NARS2: variants seen among roughly 807,000 people sequenced by gnomAD.
NARS2 encodes the protein asparaginyl-tRNA synthetase 2, mitochondrial.
In NARS2, 60 loss-of-function variants were observed where a neutral mutation model predicts 62.9. The observed-to-expected ratio is 0.95, with a 90% CI of 0.77 to 1.18. The LOEUF (loss-of-function observed/expected upper bound fraction) is 1.18, where lower values mean the gene tolerates loss of function less well. Among genes scored for constraint, NARS2 ranks in the 50% most tolerant of loss-of-function variants. The pLI, the probability that NARS2 is intolerant of heterozygous loss-of-function variation, is 0.00. For synonymous variants in NARS2, 196 were observed against 200.0 expected (o/e 0.98, Z 0.17); for missense variants, 619 against 576.4 (o/e 1.07, Z -0.76).
chr11:78,492,686 C>T (rs76816213), intron 7 of NARS2, among the ~76,000 whole-genome samples: 17 of 152,244 alleles, frequency 1.1e-4, no homozygotes, highest in African/African-American at 4.1e-4. Context: ...CAAATCAGAG[C>T]TACTATTTAG....
rs758433312 is a variant in NARS2, at chr11:78,437,456, CAG to C, written c.1290-644_1290-643del. ...CTGCCTTAGGCCTAGTGAAGATGCC[CAG>C]AGTCATTTAGCTGACATGCTAGACA... On this transcript the variant is annotated intron_variant, in intron 13 of 13. Coordinates refer to ENST00000281038, the MANE Select transcript of NARS2 (RefSeq NM_024678.6). 1.3e-4 allele frequency among the ~76,000 whole-genome samples: 20 copies of C among 152,214 alleles called. No homozygotes were observed. In the East Asian group the frequency reaches 1.7e-3, roughly 13 times the overall value.
intron 7 of NARS2, among the ~76,000 whole-genome samples, chr11:78,479,727 T>G (rs767046544): frequency 2.0e-5 from 3 of 152,232 alleles, no homozygotes; most frequent in Non-Finnish European, 4.4e-5. Flanking sequence ...GAGGCTGCCT[T>G]AAAGGCAGGT....
chr11:78,444,107 T>C (rs1266129478), intron 11 of NARS2: 1 of 164,106 alleles, frequency 6.1e-6, no homozygotes, highest in Non-Finnish European at 1.3e-5. Context: ...TAAAGTATAA[T>C]TACAGATAAA....
At chr11:78,534,449 G>C (rs1429210092) in intron 5 of NARS2, among the ~76,000 whole-genome samples, 1 of 152,084 alleles carries the variant, frequency 6.6e-6, no homozygotes, top group African/African-American at 2.4e-5. Flanking sequence ...AGGAATCTAT[G>C]AGCCAGAATT....
At position 78,493,642 on chromosome 11, in the gene NARS2, T is replaced by A. The variant is rs1859926598; in HGVS notation, c.690-447A>T. 2.7e-5 allele frequency among the ~76,000 whole-genome samples: 4 copies of A among 147,016 alleles called. No individual in the cohort carries two copies. The South Asian group carries it at 8.6e-4, about 31-fold the overall frequency. On this transcript the variant is annotated intron_variant, in intron 6 of 13. Transcript: ENST00000281038. ...CACTGCATTCTGGCCTGGGCGAGAG[T>A]GAGATCCTGTCTCAATAAATGAACA...
At chr11:78,521,736 G>A (rs1264588478) in intron 6 of NARS2, among the ~76,000 whole-genome samples, 5 of 133,774 alleles carry the variant, frequency 3.7e-5, no homozygotes, top group African/African-American at 1.4e-4. Context: ...CTTGCAGTGA[G>A]CCGAGATCCC....
intron 11 of NARS2, among the ~76,000 whole-genome samples, chr11:78,451,357 C>T (rs982144626): frequency 6.6e-6 from 1 of 152,190 alleles, no homozygotes; most frequent in African/African-American, 2.4e-5. Context: ...AGAAAAACTA[C>T]CTCTTTCTCC....
intron 9 of NARS2, among the ~76,000 whole-genome samples, chr11:78,473,820 G>A (rs1355684366): frequency 6.6e-6 from 1 of 152,176 alleles, no homozygotes; most frequent in Non-Finnish European, 1.5e-5. Context: ...TAAGGGTGTA[G>A]TCCTTGACCA....
rs60971390 is a variant in NARS2 at position 78,484,174 on chromosome 11, A to G, written c.823-5491T>C. Reference sequence around the variant, plus strand: ...CTATCTAATAAATGGTACTGGGAAAACTGGCTGGTCATATGCAGAAAACAG... The same window carrying G: ...CTATCTAATAAATGGTACTGGGAAAGCTGGCTGGTCATATGCAGAAAACAG... On this transcript the variant is annotated intron_variant, in intron 7 of 13. Coordinates refer to ENST00000281038, the MANE Select transcript of NARS2 (RefSeq NM_024678.6). 0.011 allele frequency among the ~76,000 whole-genome samples: 1,635 copies of G among 152,310 alleles called. 71 individuals carry two copies. The East Asian group carries it at 0.13, about 12-fold the overall frequency.
Position 78,436,850 on chromosome 11 carries a change from T to C in NARS2, c.1290-36A>G, listed in dbSNP as rs186265584. On this transcript the variant is annotated intron_variant, in intron 13 of 13. Transcript: ENST00000281038. ...AAAATAGAAAATCATCATCTATATA[T>C]AGTATAAGACCAGATGTTATGATTA... The C allele has an allele frequency of 3.6e-5, 58 of 1,593,216 alleles. No individual in the cohort carries two copies. The African/African-American group carries it at 7.0e-4, about 19-fold the overall frequency.
intron 11 of NARS2, among the ~76,000 whole-genome samples, chr11:78,458,368 T>G (rs1257792013): frequency 6.6e-6 from 1 of 152,194 alleles, no homozygotes; most frequent in African/African-American, 2.4e-5. Context: ...TTTTCTTATA[T>G]TACTTGATTT....
chr11:78,524,386 CCAA>C (rs71046978), intron 6 of NARS2, among the ~76,000 whole-genome samples: 97,006 of 151,476 alleles, frequency 0.64, 34,517 homozygotes, highest in Non-Finnish European at 0.81. Context: ...CTAATTTATT[CCAA>C]CAACAACAGT....
chr11:78,544,981 T>C (rs960085422), intron 5 of NARS2, among the ~76,000 whole-genome samples: 143 of 152,174 alleles, frequency 9.4e-4, no homozygotes, highest in African/African-American at 2.9e-3. Flanking sequence ...AAACTGTTCA[T>C]GATATGTGAG....
chr11:78,497,434 T>C (rs10899533), intron 6 of NARS2, among the ~76,000 whole-genome samples: 104,912 of 151,210 alleles, frequency 0.69, 37,815 homozygotes, highest in Non-Finnish European at 0.81. Flanking sequence ...TATTCTTTAG[T>C]TTGGGAAGAA....
At position 78,444,044 on chromosome 11, in the gene NARS2, A is replaced by G. The variant is rs11237495; in HGVS notation, c.1165-286T>C. On this transcript the variant is annotated intron_variant, in intron 11 of 13. Coordinates refer to ENST00000281038, the MANE Select transcript of NARS2 (RefSeq NM_024678.6). ...ACATTAAAAATCACCTATCAGTACC[A>G]GAAAATTACATTTTTGTGGATTTCC... The G allele has an allele frequency of 0.21, 40,485 of 189,954 alleles. 4,767 individuals carry two copies. Among genetic ancestry groups the G allele is most frequent in the East Asian group, 0.4 (3,256 of 8,074 alleles). The allele number at this position is 189,954 out of a possible 1,614,324, so 11.8% of individuals were successfully genotyped here.
intron 6 of NARS2, among the ~76,000 whole-genome samples, chr11:78,497,241 G>GAAAA (rs35740309): frequency 9.3e-6 from 1 of 107,290 alleles, no homozygotes; most frequent in African/African-American, 3.9e-5. Flanking sequence ...AAGCAAAATT[G>GAAAA]AAAAAAAAAA....
chr11:78,513,110 C>T (rs1860775404), intron 6 of NARS2, among the ~76,000 whole-genome samples: 1 of 152,174 alleles, frequency 6.6e-6, no homozygotes, highest in Middle Eastern at 3.4e-3. Flanking sequence ...ATTAGCCAGG[C>T]ATGGTGGCGG....
At chr11:78,504,275 C>T (rs1860398569) in intron 6 of NARS2, among the ~76,000 whole-genome samples, 1 of 152,200 alleles carries the variant, frequency 6.6e-6, no homozygotes, top group South Asian at 2.1e-4. Flanking sequence ...AAAAACAAGT[C>T]TCTACCTCCT....
chr11:78,447,546 C>G (rs1367185572), intron 11 of NARS2, among the ~76,000 whole-genome samples: 1 of 152,088 alleles, frequency 6.6e-6, no homozygotes, highest in Non-Finnish European at 1.5e-5. Context: ...GATATCTGCA[C>G]TCTAATGTTC....
Sources: gnomAD v4.1 joint callset for allele counts (sites outside exome capture counted in the v4.1 genomes callset) on GRCh38, gnomAD v4.1.1 for gene constraint, MANE v1.5 for transcripts, NCBI Gene and HGNC (gene_info 2026-07-23, HGNC 2026-07-21) for gene names.